The following PPP2R2C variants were observed in gnomAD, a reference collection of about 807,000 sequenced individuals.
PPP2R2C encodes the protein protein phosphatase 2, regulatory subunit B, gamma.
A neutral mutation model predicts 45.3 loss-of-function variants in PPP2R2C; 10 were observed. The ratio of observed to expected loss-of-function variants is 0.22; its 90% CI spans 0.14 to 0.37. The LOEUF (loss-of-function observed/expected upper bound fraction) is 0.37, where lower values mean the gene tolerates loss of function less well. PPP2R2C is among the 10% of genes least tolerant of loss of function. PPP2R2C has a pLI of 1.00. For synonymous variants in PPP2R2C, 257 were observed against 245.4 expected (o/e 1.05, Z -0.44); for missense variants, 308 against 619.7 (o/e 0.50, Z 5.34).
rs1007082534 is a variant in PPP2R2C, at chr4:6,323,248, T to G, written c.*54A>C. 4.9e-5 allele frequency: 75 copies of G among 1,541,818 alleles called. No individual in the cohort carries two copies. Among genetic ancestry groups the G allele is most frequent in the Non-Finnish European group, 6.5e-5 (74 of 1,133,316 alleles). ...CCTTGCATTGCGGTCGTGAAGGTCA[T>G]GTCGGGGATGACTTGCATGAGGCTG... On this transcript the variant is annotated 3_prime_UTR_variant, in exon 9 of 9. Transcript: ENST00000382599.
At chr4:6,539,677 G>T (rs1197196406) in intron 1 of PPP2R2C, among the ~76,000 whole-genome samples, 1 of 152,204 alleles carries the variant, frequency 6.6e-6, no homozygotes, top group East Asian at 1.9e-4. Flanking sequence ...GTGGTCAAGG[G>T]TGGCAAGTGC....
At chr4:6,410,366 T>C (rs986208118) in intron 1 of PPP2R2C, among the ~76,000 whole-genome samples, 10 of 152,142 alleles carry the variant, frequency 6.6e-5, no homozygotes, top group African/African-American at 2.2e-4. Context: ...CAAAGGGGAC[T>C]CTCGACCCCT....
intron 1 of PPP2R2C, among the ~76,000 whole-genome samples, chr4:6,408,130 C>G (rs1717920985): frequency 6.6e-6 from 1 of 152,170 alleles, no homozygotes; most frequent in South Asian, 2.1e-4. Flanking sequence ...TCGCTCAGCA[C>G]TAACTTAGAG....
intron 1 of PPP2R2C, among the ~76,000 whole-genome samples, chr4:6,403,222 C>T (rs1360643159): frequency 6.6e-6 from 1 of 152,122 alleles, no homozygotes; most frequent in East Asian, 1.9e-4. Context: ...AAGGCAGGGC[C>T]CACAGCAATT....
intron 2 of PPP2R2C, among the ~76,000 whole-genome samples, chr4:6,513,051 A>C (rs1158773124): frequency 6.6e-6 from 1 of 152,176 alleles, no homozygotes. Flanking sequence ...TGCTCTAAGT[A>C]TATGGGCTTT....
intron 4 of PPP2R2C, among the ~76,000 whole-genome samples, chr4:6,375,106 C>T (rs991318424): frequency 6.6e-6 from 1 of 152,168 alleles, no homozygotes; most frequent in Non-Finnish European, 1.5e-5. Context: ...ATGAAACCCT[C>T]ATAAACTTTC....
intron 1 of PPP2R2C, among the ~76,000 whole-genome samples, chr4:6,409,077 A>T (rs539533348): frequency 6.6e-6 from 1 of 152,248 alleles, no homozygotes; most frequent in East Asian, 1.9e-4. Flanking sequence ...TTAAAAATCC[A>T]GGAGAAAACA....
intron 5 of PPP2R2C, among the ~76,000 whole-genome samples, chr4:6,355,382 C>T (rs1010261750): frequency 5.3e-5 from 8 of 151,890 alleles, no homozygotes; most frequent in Admixed American, 1.3e-4. Flanking sequence ...GTTCAACTCC[C>T]GGGGAGGGAT....
At chr4:6,434,913 T>C (rs759575334) in intron 1 of PPP2R2C, among the ~76,000 whole-genome samples, 1 of 151,362 alleles carries the variant, frequency 6.6e-6, no homozygotes, top group Non-Finnish European at 1.5e-5. Flanking sequence ...CCTTTATCCA[T>C]TCTTCTATTG....
intron 1 of PPP2R2C, among the ~76,000 whole-genome samples, chr4:6,410,852 TA>T (rs1718131622): frequency 2.1e-5 from 3 of 140,668 alleles, no homozygotes; most frequent in African/African-American, 3.0e-5. Flanking sequence ...TTTATTTATT[TA>T]TTTATTTATT....
Position 6,328,660 on chromosome 4 carries a change from G to A in PPP2R2C, c.1052+602C>T, listed in dbSNP as rs1472954761. Among the ~76,000 whole-genome samples the A allele has an allele frequency of 6.6e-6, 1 of 152,216 alleles. No homozygotes were observed. The highest frequency in any genetic ancestry group is 2.4e-5 in the African/African-American group (1 of 41,468). ...GCTGAGCCCAGGCTAGGGAGACACAGGAACTCACTTCTGGCACTGGGGCGC... is the reference window on the plus strand; with the variant it reads ...GCTGAGCCCAGGCTAGGGAGACACAAGAACTCACTTCTGGCACTGGGGCGC... On this transcript the variant is annotated intron_variant, in intron 8 of 8. Coordinates refer to ENST00000382599, the MANE Select transcript of PPP2R2C (RefSeq NM_020416.4). The surrounding 1 kb of genome is among the most constrained non-coding windows in gnomAD (Gnocchi z 4.4).
At chr4:6,340,141 C>T (rs145994123) in intron 6 of PPP2R2C, among the ~76,000 whole-genome samples, 1,575 of 152,220 alleles carry the variant, frequency 0.01, 17 homozygotes, top group Non-Finnish European at 0.016. Context: ...CTGCCCAGCA[C>T]CATGTGATCG....
chr4:6,474,562 C>T (rs1034543541), upstream of PPP2R2C, among the ~76,000 whole-genome samples: 4 of 152,188 alleles, frequency 2.6e-5, no homozygotes, highest in East Asian at 1.9e-4. Flanking sequence ...CCTCATCTCC[C>T]GGGATGTCCT....
rs151164307 is a variant in PPP2R2C at position 6,549,608 on chromosome 4, C to T, written c.-59+13952G>A. Among the ~76,000 whole-genome samples the T allele has an allele frequency of 2.6e-5, 4 of 152,324 alleles. No homozygotes were observed. The East Asian group carries it at 5.8e-4, about 22-fold the overall frequency. The stretch of plus-strand genomic sequence containing the variant: ...GCTCCTTCCTGCTCCTGTAGAGTGG[C>T]CACAGGTTTGCAGCCCTGAGAGCAG... On this transcript the variant is annotated intron_variant, in intron 1 of 9. Transcript: ENST00000506140.
At chr4:6,466,655 C>A (rs752714607) in intron 1 of PPP2R2C, among the ~76,000 whole-genome samples, 1 of 152,148 alleles carries the variant, frequency 6.6e-6, no homozygotes, top group Non-Finnish European at 1.5e-5. Flanking sequence ...TGGAGCCTAG[C>A]GCTTCATACA....
intron 1 of PPP2R2C, chr4:6,384,108 T>C (rs1716053574): frequency 5.1e-6 from 5 of 985,406 alleles, no homozygotes; most frequent in Non-Finnish European, 6.0e-6. Context: ...AGGTCCCAGC[T>C]GTCCTGACAT....
intron 1 of PPP2R2C, chr4:6,555,385 T>G (rs1725363042): frequency 6.6e-6 from 1 of 152,244 alleles, no homozygotes; most frequent in African/African-American, 2.4e-5. Context: ...CTTTGGATGA[T>G]AAATTATTTG....
At chr4:6,484,647 T>G (rs13136126) in intron 2 of PPP2R2C, among the ~76,000 whole-genome samples, 18,520 of 151,890 alleles carry the variant, frequency 0.12, 1,314 homozygotes, top group Non-Finnish European at 0.17. Context: ...ATTTAGGTCT[T>G]CTTTAATTTC....
exon 2 of PPP2R2C, chr4:6,535,343 G>T: frequency 6.5e-7 from 1 of 1,532,436 alleles, no homozygotes; most frequent in Non-Finnish European, 8.7e-7. Flanking sequence ...ACTAACACAG[G>T]TCATTTCAAA....
Sources: allele counts gnomAD v4.1 joint callset (sites outside exome capture counted in the v4.1 genomes callset), GRCh38; gene constraint gnomAD v4.1.1; non-coding constraint Gnocchi (gnomAD v3.1); transcripts MANE v1.5; gene names NCBI Gene and HGNC (gene_info 2026-07-23, HGNC 2026-07-21).